GALK2: variants seen among roughly 807,000 people sequenced by gnomAD.
GALK2 encodes galactokinase 2.
In GALK2, 36 loss-of-function variants were observed where a neutral mutation model predicts 52.4. That is an observed-to-expected ratio of 0.69 (90% CI 0.53 to 0.91). The LOEUF (loss-of-function observed/expected upper bound fraction) is 0.91, where lower values mean the gene tolerates loss of function less well. Ranked by LOEUF, GALK2 falls within the 40% of genes least tolerant of loss-of-function variation. The pLI is 0.00. For synonymous variants in GALK2, 176 were observed against 199.1 expected, an observed-to-expected ratio of 0.88 and a Z score of 0.98; for missense variants, 579 against 559.1, an observed-to-expected ratio of 1.04 and a Z score of -0.36.
chr15:49,240,568 C>T (rs1410559272), intron 5 of GALK2, among the ~76,000 whole-genome samples: 2 of 152,110 alleles, frequency 1.3e-5, no homozygotes, highest in South Asian at 2.1e-4. Context: ...CATAGGACAT[C>T]TAAATGGAGA....
At chr15:49,290,668 A>G (rs1033988666) in intron 7 of GALK2, among the ~76,000 whole-genome samples, 5 of 152,178 alleles carry the variant, frequency 3.3e-5, no homozygotes, top group Admixed American at 3.3e-4. Context: ...GCCCACTGTC[A>G]TCTCTTGGGG....
chr15:49,224,899 A>C (rs2090041936), intron 3 of GALK2, among the ~76,000 whole-genome samples: 1 of 152,228 alleles, frequency 6.6e-6, no homozygotes, highest in Admixed American at 6.5e-5. Context: ...TCAGAGGGCC[A>C]AGGCTCTGTA....
At chr15:49,301,448 A>G (rs2035104979) in intron 8 of GALK2, among the ~76,000 whole-genome samples, 1 of 152,114 alleles carries the variant, frequency 6.6e-6, no homozygotes, top group South Asian at 2.1e-4. Context: ...GCCAGACTTA[A>G]TTGGGAGGGA....
chr15:49,312,906 G>GT (rs1398025353), intron 8 of GALK2, among the ~76,000 whole-genome samples: 2 of 152,322 alleles, frequency 1.3e-5, no homozygotes, highest in African/African-American at 4.8e-5. Context: ...GATAGCAACA[G>GT]TAACAGTGGC....
intron 3 of GALK2, among the ~76,000 whole-genome samples, chr15:49,356,186 C>T (rs910934496): frequency 7.3e-5 from 11 of 151,616 alleles, no homozygotes; most frequent in South Asian, 2.1e-4. Context: ...CATCAACTAA[C>T]GAGCAAAATA....
Position 49,170,350 on chromosome 15 carries a change from C to T in GALK2, c.28C>T (p.Arg10Trp), listed in dbSNP as rs779141520. Residue 10 changes from arginine to tryptophan, a missense_variant, in exon 1 of 10, where the codon CGG becomes TGG. By Grantham distance (101) the Arg-to-Trp change is moderately radical (BLOSUM62 -3). Transcript: ENST00000560031. ...GGCTACAGAGAGCCCTGCTACGCGTCGGGTCCAGGTGGCAGAACATCCTAG... is the reference window on the plus strand; with the variant it reads ...GGCTACAGAGAGCCCTGCTACGCGTTGGGTCCAGGTGGCAGAACATCCTAG... MATESPATR[R>W]VQVAEHPRLL... 1 of 1,592,630 alleles carries T rather than the reference C, an allele frequency of 6.3e-7. No homozygotes were observed. Among genetic ancestry groups the T allele is most frequent in the Non-Finnish European group, 8.5e-7 (1 of 1,169,802 alleles).
At chr15:49,218,648 T>G (rs3098620) in intron 3 of GALK2, among the ~76,000 whole-genome samples, 10 of 151,988 alleles carry the variant, frequency 6.6e-5, no homozygotes, top group Admixed American at 5.9e-4. Flanking sequence ...TCCATTTGTT[T>G]TAGCATTCAT....
intron 3 of GALK2, among the ~76,000 whole-genome samples, chr15:49,228,609 T>A (rs1221053365): frequency 7.1e-6 from 1 of 141,770 alleles, no homozygotes; most frequent in Non-Finnish European, 1.5e-5. Flanking sequence ...TTTTTCATAT[T>A]CTAGAATTTT....
At chr15:49,332,739 C>T (rs1180852092), downstream of GALK2, among the ~76,000 whole-genome samples, 1 of 152,088 alleles carries the variant, frequency 6.6e-6, no homozygotes, top group African/African-American at 2.4e-5. Flanking sequence ...TCTGCAAATC[C>T]CAAATACATG....
chr15:49,172,300 AT>A (rs1411948085), intron 1 of GALK2, among the ~76,000 whole-genome samples: 1 of 152,160 alleles, frequency 6.6e-6, no homozygotes, highest in African/African-American at 2.4e-5. Context: ...CATGTAACAA[AT>A]ATTTATTGTT....
At chr15:49,186,552 T>G (rs1011562357) in intron 1 of GALK2, among the ~76,000 whole-genome samples, 2 of 149,798 alleles carry the variant, frequency 1.3e-5, no homozygotes, top group Non-Finnish European at 3.0e-5. Flanking sequence ...CTTTTTTTTT[T>G]TTTTTTGAGA....
intron 1 of GALK2, among the ~76,000 whole-genome samples, chr15:49,175,067 C>T (rs2085348373): frequency 6.6e-6 from 1 of 152,120 alleles, no homozygotes; most frequent in South Asian, 2.1e-4. Flanking sequence ...AAAAGCTATA[C>T]ATATTTATGA....
In GALK2 at chr15:49,365,880, A is replaced by G. The variant is rs115450768; in HGVS notation, c.427-1611A>G. 201 of 961,908 alleles carry G rather than the reference A, an allele frequency of 2.1e-4. 1 individual carries two copies. The African/African-American group carries it at 2.9e-3, about 14-fold the overall frequency. The allele number at this position is 961,908 out of a possible 1,614,324, so 59.6% of individuals were successfully genotyped here. The stretch of plus-strand genomic sequence containing the variant: ...TGCATTGTCCATATGGCATCTTATG[A>G]ATTAGTGCAGCAAGAGAGTTGTACA... On this transcript the variant is annotated intron_variant, in intron 3 of 3. Transcript: ENST00000558399.
At chr15:49,252,196 G>A (rs2091634669) in intron 5 of GALK2, among the ~76,000 whole-genome samples, 1 of 152,140 alleles carries the variant, frequency 6.6e-6, no homozygotes, top group African/African-American at 2.4e-5. Context: ...AACCCGGGAG[G>A]CAGAGGTTGC....
intron 7 of GALK2, 42 bp downstream of exon 7, chr15:49,283,760 T>A: frequency 1.2e-6 from 2 of 1,600,094 alleles, no homozygotes; most frequent in South Asian, 1.1e-5. Flanking sequence ...GTAGGGTTTT[T>A]CTTGTCTTTA....
chr15:49,251,108 A>G (rs1055530914), intron 5 of GALK2, among the ~76,000 whole-genome samples: 14 of 152,208 alleles, frequency 9.2e-5, no homozygotes, highest in Non-Finnish European at 1.8e-4. Flanking sequence ...CTTGATACCA[A>G]ACCTGACAAG....
chr15:49,262,362 G>T (rs1293769561), intron 5 of GALK2, among the ~76,000 whole-genome samples: 1 of 152,176 alleles, frequency 6.6e-6, no homozygotes, highest in Non-Finnish European at 1.5e-5. Context: ...GCATAGAGGT[G>T]TTTGTAGTAT....
intron 5 of GALK2, among the ~76,000 whole-genome samples, chr15:49,246,669 A>G (rs184025492): frequency 1.3e-5 from 2 of 152,314 alleles, no homozygotes; most frequent in African/African-American, 4.8e-5. Context: ...AATTGGACAT[A>G]AAACCTTCCT....
At chr15:49,190,686 A>C (rs1595580255) in intron 1 of GALK2, among the ~76,000 whole-genome samples, 1 of 152,334 alleles carries the variant, frequency 6.6e-6, no homozygotes, top group East Asian at 1.9e-4. Context: ...ACCTAACTTA[A>C]GAGGATGCTC....
Sources: gnomAD v4.1 joint callset for allele counts (sites outside exome capture counted in the v4.1 genomes callset) on GRCh38, gnomAD v4.1.1 for gene constraint, MANE v1.5 for transcripts, NCBI Gene and HGNC (gene_info 2026-07-23, HGNC 2026-07-21) for gene names.